Variants in CHRM3 observed in about 807,000 individuals in gnomAD.
CHRM3 encodes cholinergic receptor muscarinic 3, also known as muscarinic acetylcholine receptor M3.
In CHRM3, 11 loss-of-function variants were observed where a neutral mutation model predicts 41.8. That is an observed-to-expected ratio of 0.26 (90% CI 0.17 to 0.44). The LOEUF (loss-of-function observed/expected upper bound fraction) is 0.44. Among genes scored for constraint, CHRM3 ranks in the 20% least tolerant of loss-of-function variants. CHRM3 has a pLI of 1.00. For missense variants in CHRM3, 571 were observed against 745.4 expected (o/e 0.77, Z 2.72); for synonymous variants, 297 against 301.4 (o/e 0.99, Z 0.15).
rs570777087 is a variant in CHRM3 at position 239,688,230 on chromosome 1, T to C, written c.-147+9942T>C. On this transcript the variant is annotated intron_variant, in intron 5 of 6. Coordinates refer to ENST00000676153, the MANE Select transcript of CHRM3 (RefSeq NM_001375978.1). ...TATATATAAAACACATGCACATATA[T>C]GTATTATATAATCTATTATTAAATA... Among the ~76,000 whole-genome samples, 20 of 148,406 alleles carry C rather than the reference T, an allele frequency of 1.3e-4. No individual in the cohort carries two copies. In the East Asian group the frequency reaches 3.9e-3, roughly 29 times the overall value.
chr1:239,404,417 A>AGAGAAAGAAAGAAAGAAG (rs1558195832), intron 1 of CHRM3, among the ~76,000 whole-genome samples: 29 of 80,198 alleles, frequency 3.6e-4, no homozygotes, highest in African/African-American at 1.4e-3. Flanking sequence ...AGAAAAAGAA[A>AGAGAAAGAAAGAAAGAAG]GAAAGAAAGA....
intron 3 of CHRM3, among the ~76,000 whole-genome samples, chr1:239,551,632 A>G (rs2148443848): frequency 6.6e-6 from 1 of 152,270 alleles, no homozygotes; most frequent in South Asian, 2.1e-4. Context: ...TGTGATTTTA[A>G]CTGAAATTTT....
Position 239,910,259 on chromosome 1 carries a change from G to A in CHRM3, c.*1035G>A, listed in dbSNP as rs1438207699. ...GAACAAAATTTCTGCTATCTAAACTGCTTGAAACTCAATAATAGTGTCACG... is the reference window on the plus strand; with the variant it reads ...GAACAAAATTTCTGCTATCTAAACTACTTGAAACTCAATAATAGTGTCACG... On this transcript the variant is annotated 3_prime_UTR_variant, in exon 7 of 7. Coordinates refer to ENST00000676153, the MANE Select transcript of CHRM3 (RefSeq NM_001375978.1). 6.0e-6 allele frequency: 1 copy of A among 165,698 alleles called. No homozygotes were observed. The highest frequency in any genetic ancestry group is 2.4e-5 in the African/African-American group (1 of 40,920). The allele number at this position is 165,698 out of a possible 1,614,324, so 10.3% of individuals were successfully genotyped here.
At chr1:239,757,807 G>T (rs527245226) in intron 5 of CHRM3, among the ~76,000 whole-genome samples, 37 of 152,290 alleles carry the variant, frequency 2.4e-4, no homozygotes, top group Non-Finnish European at 4.7e-4. Flanking sequence ...GAATGTTAAT[G>T]CATTCTGTTT....
chr1:239,850,525 A>T (rs1443875878), intron 6 of CHRM3, among the ~76,000 whole-genome samples: 1 of 152,174 alleles, frequency 6.6e-6, no homozygotes, highest in Admixed American at 6.5e-5. Context: ...CTTTTCAAAA[A>T]TGTCATCTCA....
At chr1:239,509,225 T>G (rs1223283908) in intron 2 of CHRM3, among the ~76,000 whole-genome samples, 1 of 152,204 alleles carries the variant, frequency 6.6e-6, no homozygotes, top group African/African-American at 2.4e-5. Flanking sequence ...ATTTTATTTA[T>G]TGAGAAGTAT....
chr1:239,783,348 T>C (rs1302617118), intron 5 of CHRM3, among the ~76,000 whole-genome samples: 1 of 152,076 alleles, frequency 6.6e-6, no homozygotes, highest in Non-Finnish European at 1.5e-5. Flanking sequence ...AGTCTTAATA[T>C]ATGGGAAAAT....
At chr1:239,551,223 C>G (rs891934522) in intron 3 of CHRM3, among the ~76,000 whole-genome samples, 4 of 123,638 alleles carry the variant, frequency 3.2e-5, no homozygotes, top group Admixed American at 3.2e-4. Context: ...AGTGCAATGG[C>G]GTGATCTCGG....
rs200918197 is a variant in CHRM3, at chr1:239,909,185, G to T, written c.1734G>T (p.Ser578=). Residue 578 remains serine, a synonymous_variant, in exon 7 of 7, where the codon TCG becomes TCT. Coordinates refer to ENST00000676153, the MANE Select transcript of CHRM3 (RefSeq NM_001375978.1). ...AGCAGCAGTACCAGCAGAGACAGTC[G>T]GTCATTTTTCACAAGCGCGCACCCG... ...RRKQQYQQRQ[S]VIFHKRAPEQ... 1.2e-6 allele frequency: 2 copies of T among 1,613,088 alleles called. No individual in the cohort carries two copies. Among genetic ancestry groups the T allele is most frequent in the Non-Finnish European group, 1.7e-6 (2 of 1,179,734 alleles).
intron 5 of CHRM3, among the ~76,000 whole-genome samples, chr1:239,789,549 G>A (rs1669176028): frequency 1.3e-5 from 2 of 152,176 alleles, no homozygotes; most frequent in Non-Finnish European, 2.9e-5. Flanking sequence ...TTCCACTCAT[G>A]GAGGAAGGTG....
intron 6 of CHRM3, among the ~76,000 whole-genome samples, chr1:239,860,846 C>T (rs537575049): frequency 9.2e-5 from 14 of 152,214 alleles, no homozygotes; most frequent in African/African-American, 3.4e-4. Flanking sequence ...CCAAATATAC[C>T]AGTAGTTTAG....
Position 239,545,856 on chromosome 1 carries a change from G to A in CHRM3, c.-313+107G>A, listed in dbSNP as rs368830958. The A allele has an allele frequency of 1.1e-4, 16 of 152,164 alleles. No homozygotes were observed. In the East Asian group the frequency reaches 1.5e-3, roughly 15 times the overall value. 9.4% of individuals were successfully genotyped at this position (152,164 alleles called of 1,614,324 possible). A position where few individuals can be genotyped will look rare whatever the true frequency, so the allele number is the denominator to read the frequency against. The stretch of plus-strand genomic sequence containing the variant: ...TGTGTAAAACACATGTATTAGTGTC[G>A]CCGGTATGAAATATGGCTAGATCTA... On this transcript the variant is annotated intron_variant, in intron 3 of 6. Coordinates refer to ENST00000676153, the MANE Select transcript of CHRM3 (RefSeq NM_001375978.1).
chr1:239,562,865 G>A (rs1288106487), intron 3 of CHRM3, among the ~76,000 whole-genome samples: 1 of 143,638 alleles, frequency 7.0e-6, no homozygotes, highest in African/African-American at 2.6e-5. Context: ...TCCAGCCTGG[G>A]CAAAAGAGTG....
intron 3 of CHRM3, among the ~76,000 whole-genome samples, chr1:239,580,206 A>T (rs1662736003): frequency 6.6e-6 from 1 of 150,758 alleles, no homozygotes; most frequent in Non-Finnish European, 1.5e-5. Context: ...TTGCCCCCAT[A>T]TTTTCCCAAG....
Position 239,596,940 on chromosome 1 carries a change from A to G in CHRM3, c.-312-35284A>G, listed in dbSNP as rs150042895. Among the ~76,000 whole-genome samples, 572 of 152,274 alleles carry G rather than the reference A, an allele frequency of 3.8e-3. 5 individuals carry two copies. The highest frequency in any genetic ancestry group is 0.013 in the African/African-American group (533 of 41,564). On this transcript the variant is annotated intron_variant, in intron 3 of 6. Coordinates refer to ENST00000676153, the MANE Select transcript of CHRM3 (RefSeq NM_001375978.1). ...GGGTTTTTCTGTGTGTGTCTGTGGA[A>G]GCAGAAGAGAGGAAAGCAGAAGTCT...
chr1:239,825,575 C>T lies in CHRM3; in HGVS notation c.-146-1677C>T, dbSNP rs957597942. ...ATGATATGAACAGGTATTTGTATAC[C>T]TACATTCATAGCAGCATTATTCACA... On this transcript the variant is annotated intron_variant, in intron 5 of 6. Transcript: ENST00000676153. 2.0e-5 allele frequency among the ~76,000 whole-genome samples: 3 copies of T among 152,080 alleles called. No homozygotes were observed. The East Asian group carries it at 5.8e-4, about 29-fold the overall frequency.
intron 6 of CHRM3, among the ~76,000 whole-genome samples, chr1:239,883,552 C>G (rs1677824387): frequency 6.6e-6 from 1 of 152,210 alleles, no homozygotes; most frequent in Non-Finnish European, 1.5e-5. Flanking sequence ...TTATTTGATC[C>G]TCCCTACAAC....
intron 2 of CHRM3, among the ~76,000 whole-genome samples, chr1:239,506,752 C>T (rs745740587): frequency 1.3e-5 from 2 of 152,194 alleles, no homozygotes; most frequent in Non-Finnish European, 2.9e-5. Flanking sequence ...AAGCCACAGA[C>T]ACTCAATGCC....
At chr1:239,414,625 A>G (rs1172504926) in intron 1 of CHRM3, among the ~76,000 whole-genome samples, 1 of 152,256 alleles carries the variant, frequency 6.6e-6, no homozygotes, top group Non-Finnish European at 1.5e-5. Flanking sequence ...GCAGCATGCC[A>G]GATTTCATAT....
Sources: allele counts gnomAD v4.1 joint callset (sites outside exome capture counted in the v4.1 genomes callset), GRCh38; gene constraint gnomAD v4.1.1; transcripts MANE v1.5; gene names NCBI Gene and HGNC (gene_info 2026-07-23, HGNC 2026-07-21).